Variants in FHIT observed in about 807,000 individuals in gnomAD.
FHIT encodes the protein bis(5'-adenosyl)-triphosphatase.
Under a neutral mutation model 17.9 loss-of-function variants are expected in FHIT, and 19 were observed. The observed-to-expected ratio is 1.06, with a 90% CI of 0.74 to 1.56. The LOEUF is 1.56. FHIT is among the 40% of genes most tolerant of loss of function. FHIT has a pLI of 0.00. For synonymous variants in FHIT, 81 were observed against 69.7 expected, an observed-to-expected ratio of 1.16 and a Z score of -0.81; for missense variants, 248 against 189.2, an observed-to-expected ratio of 1.31 and a Z score of -1.82.
chr3:60,460,545 A>T (rs1205986050), intron 5 of FHIT, among the ~76,000 whole-genome samples: 1 of 152,228 alleles, frequency 6.6e-6, no homozygotes, highest in African/African-American at 2.4e-5. Context: ...AAAAAATCCC[A>T]ATAATATTAT....
chr3:60,604,444 G>T (rs545807961), intron 4 of FHIT, among the ~76,000 whole-genome samples: 23 of 152,242 alleles, frequency 1.5e-4, no homozygotes, highest in Middle Eastern at 3.4e-3. Flanking sequence ...CCTCCATCTT[G>T]GGATAAGATC....
At chr3:61,115,354 C>T (rs2036270999) in intron 2 of FHIT, among the ~76,000 whole-genome samples, 1 of 151,996 alleles carries the variant, frequency 6.6e-6, no homozygotes. Context: ...GAGAGCCTGG[C>T]ATAGAATGGA....
chr3:61,175,276 A>G (rs953678146), intron 2 of FHIT, among the ~76,000 whole-genome samples: 4 of 152,190 alleles, frequency 2.6e-5, no homozygotes, highest in African/African-American at 9.6e-5. Context: ...CTGAAGAAAT[A>G]CCAGATAGGT....
At chr3:60,576,462 C>T (rs1253148352) in intron 4 of FHIT, among the ~76,000 whole-genome samples, 6 of 152,068 alleles carry the variant, frequency 3.9e-5, no homozygotes, top group Admixed American at 2.0e-4. Context: ...TTCAATAACA[C>T]GTAATGATAA....
intron 8 of FHIT, among the ~76,000 whole-genome samples, chr3:59,848,845 GA>G (rs1701821804): frequency 6.6e-6 from 1 of 152,136 alleles, no homozygotes; most frequent in Non-Finnish European, 1.5e-5. Context: ...AACACTTGGG[GA>G]AAAAGATCTC....
At chr3:60,684,021 A>G (rs999747072) in intron 4 of FHIT, among the ~76,000 whole-genome samples, 102 of 152,276 alleles carry the variant, frequency 6.7e-4, no homozygotes, top group African/African-American at 2.3e-3. Flanking sequence ...AGCTGATTCT[A>G]TCTTACAGAT....
At chr3:60,115,228 G>T (rs1458075249) in intron 5 of FHIT, among the ~76,000 whole-genome samples, 1 of 152,082 alleles carries the variant, frequency 6.6e-6, no homozygotes, top group African/African-American at 2.4e-5. Flanking sequence ...TCAATAAAAT[G>T]AAGTGAAAGA....
Position 60,517,959 on chromosome 3 carries a change from C to T in FHIT, c.103+18901G>A, listed in dbSNP as rs146339197. ...ATTCTTTACCTTCTTCAAGGGTGGC[C>T]AGGAAGATACAGTGAATTTTTAAAG... On this transcript the variant is annotated intron_variant, in intron 5 of 9. Transcript: ENST00000492590. Among the ~76,000 whole-genome samples, 739 of 152,132 alleles carry T rather than the reference C, an allele frequency of 4.9e-3. 9 individuals are homozygous for T. The highest frequency in any genetic ancestry group is 0.017 in the African/African-American group (714 of 41,494).
chr3:60,670,322 T>C (rs1416291074), intron 4 of FHIT, among the ~76,000 whole-genome samples: 14 of 152,210 alleles, frequency 9.2e-5, no homozygotes, highest in Admixed American at 3.9e-4. Flanking sequence ...CCTTTCAGTA[T>C]CCTGAGGCAG....
chr3:60,628,533 A>C (rs1005498121), intron 4 of FHIT, among the ~76,000 whole-genome samples: 1 of 152,122 alleles, frequency 6.6e-6, no homozygotes. Context: ...TAGAGGCATA[A>C]ATTTCTCCAC....
chr3:61,070,720 T>C (rs981459958), intron 2 of FHIT, among the ~76,000 whole-genome samples: 7 of 152,160 alleles, frequency 4.6e-5, no homozygotes, highest in Admixed American at 1.3e-4. Flanking sequence ...CCCCCTGAAA[T>C]ACATAATACT....
intron 5 of FHIT, among the ~76,000 whole-genome samples, chr3:60,323,965 G>T (rs999517789): frequency 1.5e-5 from 2 of 134,772 alleles, no homozygotes; most frequent in South Asian, 5.3e-4. Context: ...TCCCAAGCTT[G>T]CCAGAAACAC....
rs141788150 is a variant in FHIT, at chr3:60,006,730, T to C, written c.279+4641A>G. Reference sequence around the variant, plus strand: ...CAAAGGTGCACAGTTAGGAAGTTAATATGGCTAATATTCCTAACGGAACCT... The same window carrying C: ...CAAAGGTGCACAGTTAGGAAGTTAACATGGCTAATATTCCTAACGGAACCT... On this transcript the variant is annotated intron_variant, in intron 7 of 9. Coordinates refer to ENST00000492590, the MANE Select transcript of FHIT (RefSeq NM_002012.4). Among the ~76,000 whole-genome samples the C allele has an allele frequency of 1.8e-4, 27 of 151,888 alleles. No homozygotes were observed. In the East Asian group the frequency reaches 5.2e-3, roughly 29 times the overall value.
intron 4 of FHIT, among the ~76,000 whole-genome samples, chr3:60,662,446 T>A (rs1439069635): frequency 1.3e-5 from 2 of 152,184 alleles, no homozygotes; most frequent in African/African-American, 4.8e-5. Context: ...ACTATGGTCT[T>A]ATAGTATAGT....
At chr3:61,213,105 C>T (rs1479787549) in intron 1 of FHIT, among the ~76,000 whole-genome samples, 1 of 152,120 alleles carries the variant, frequency 6.6e-6, no homozygotes, top group African/African-American at 2.4e-5. Context: ...AACTAACGAG[C>T]AAAATAACCA....
At chr3:60,079,454 A>G (rs1445986650) in intron 5 of FHIT, among the ~76,000 whole-genome samples, 1 of 151,996 alleles carries the variant, frequency 6.6e-6, no homozygotes. Context: ...CAGAACAGTT[A>G]AAAATAGTTT....
At chr3:60,576,033 T>C (rs2037553747) in intron 4 of FHIT, among the ~76,000 whole-genome samples, 1 of 152,044 alleles carries the variant, frequency 6.6e-6, no homozygotes, top group African/African-American at 2.4e-5. Flanking sequence ...CCTCCTTCTC[T>C]TCACACCCTG....
rs1279680869 is a variant in FHIT at position 60,567,744 on chromosome 3, T to A, written c.-17-30765A>T. ...CTAATATCCAGAATCTACAATGAAC[T>A]CAAACAAATCTACAAGAAAAAAACA... On this transcript the variant is annotated intron_variant, in intron 4 of 9. Coordinates refer to ENST00000492590, the MANE Select transcript of FHIT (RefSeq NM_002012.4). Among the ~76,000 whole-genome samples, 4 of 151,894 alleles carry A rather than the reference T, an allele frequency of 2.6e-5. No homozygotes were observed. The East Asian group carries it at 5.8e-4, about 22-fold the overall frequency.
intron 2 of FHIT, among the ~76,000 whole-genome samples, chr3:61,179,171 G>A (rs898607819): frequency 2.0e-5 from 3 of 151,682 alleles, no homozygotes; most frequent in Non-Finnish European, 4.4e-5. Context: ...CACCATGCCT[G>A]GCTAATTTTT....
Sources: gnomAD v4.1 joint callset for allele counts (sites outside exome capture counted in the v4.1 genomes callset) on GRCh38, gnomAD v4.1.1 for gene constraint, MANE v1.5 for transcripts, NCBI Gene and HGNC (gene_info 2026-07-23, HGNC 2026-07-21) for gene names.